Variants in ZNF248 observed in about 807,000 individuals in gnomAD.
ZNF248 encodes KRAB protein domain.
In ZNF248, 20 loss-of-function variants were observed where a neutral mutation model predicts 44.3. The observed-to-expected ratio is 0.45, with a 90% confidence interval of 0.32 to 0.66. The LOEUF is 0.66. Among genes scored for constraint, ZNF248 ranks in the 30% least tolerant of loss-of-function variants. The pLI, the probability that ZNF248 is intolerant of heterozygous loss-of-function variation, is 0.04. For missense variants in ZNF248, 654 were observed against 677.0 expected (o/e 0.97, Z 0.38); for synonymous variants, 224 against 229.0 (o/e 0.98, Z 0.20).
downstream of ZNF248, chr10:37,828,693 A>C: frequency 1.0e-6 from 1 of 985,410 alleles, no homozygotes; most frequent in Non-Finnish European, 1.2e-6. Context: ...AGCAATAGTC[A>C]TAACACATAT....
At chr10:37,843,012 A>G (rs1036484024) in intron 3 of ZNF248, among the ~76,000 whole-genome samples, 1 of 152,200 alleles carries the variant, frequency 6.6e-6, no homozygotes, top group Admixed American at 6.5e-5. Context: ...CGCAGAGTCA[A>G]TGTGCAAAGA....
chr10:37,806,514 A>G (rs1422537062), intron 6 of ZNF248, among the ~76,000 whole-genome samples: 1 of 151,452 alleles, frequency 6.6e-6, no homozygotes, highest in East Asian at 1.9e-4. Flanking sequence ...ATCTTTTCAT[A>G]TGCTTATGGG....
intron 6 of ZNF248, among the ~76,000 whole-genome samples, chr10:37,816,282 T>C (rs1385038819): frequency 6.6e-6 from 1 of 152,212 alleles, no homozygotes; most frequent in Non-Finnish European, 1.5e-5. Context: ...TACACCTCCG[T>C]GTCTGCACCT....
chr10:37,762,047 A>T, the ZNF248 span, among the ~76,000 whole-genome samples: 2 of 152,328 alleles, frequency 1.3e-5, no homozygotes, highest in South Asian at 2.1e-4. Flanking sequence ...ATGAAATTGT[A>T]TTGTCTCAAA....
At chr10:37,824,485 A>C (rs1260991366), downstream of ZNF248, among the ~76,000 whole-genome samples, 1 of 152,056 alleles carries the variant, frequency 6.6e-6, no homozygotes, top group African/African-American at 2.4e-5. Context: ...TATTTAATAA[A>C]TGGTGTTGGG....
chr10:37,791,175 G>C (rs2048509171), intron 6 of ZNF248, among the ~76,000 whole-genome samples: 1 of 144,970 alleles, frequency 6.9e-6, no homozygotes, highest in Admixed American at 7.3e-5. Context: ...CCAAGTAGCT[G>C]AGACTGCAGG....
chr10:37,768,190 C>A, the ZNF248 span, among the ~76,000 whole-genome samples: 18 of 152,258 alleles, frequency 1.2e-4, no homozygotes, highest in South Asian at 3.5e-3. Context: ...GACTTTAACA[C>A]CCCACTGACA....
intron 6 of ZNF248, among the ~76,000 whole-genome samples, chr10:37,805,509 A>G (rs545947918): frequency 6.6e-6 from 1 of 152,212 alleles, no homozygotes; most frequent in African/African-American, 2.4e-5. Flanking sequence ...AAACTGTACA[A>G]CTGTAACCCA....
chr10:37,820,328 G>C (rs2053254033), intron 6 of ZNF248: 2 of 1,393,630 alleles, frequency 1.4e-6, no homozygotes, highest in Non-Finnish European at 2.0e-6. Flanking sequence ...CAGAAGTGAA[G>C]CACAGGCCAG....
the ZNF248 span, among the ~76,000 whole-genome samples, chr10:37,766,126 G>A: frequency 6.6e-6 from 1 of 152,244 alleles, no homozygotes; most frequent in Non-Finnish European, 1.5e-5. Context: ...GAACTGGGTG[G>A]AGCCCACCAC....
chr10:37,817,973 TGGC>T (rs1199879254), intron 6 of ZNF248, among the ~76,000 whole-genome samples: 2 of 152,190 alleles, frequency 1.3e-5, no homozygotes, highest in African/African-American at 2.4e-5. Context: ...TGGAGTGCAG[TGGC>T]GTGATCTCGG....
intron 6 of ZNF248, chr10:37,794,752 C>G (rs1489476825): frequency 6.2e-6 from 1 of 161,260 alleles, no homozygotes. Flanking sequence ...TAAGGTTTCT[C>G]CCATGTGTGT....
chr10:37,774,814 T>C (rs939981645), downstream of ZNF248, among the ~76,000 whole-genome samples: 3 of 152,334 alleles, frequency 2.0e-5, no homozygotes, highest in East Asian at 1.9e-4. Context: ...AGTCTCATTC[T>C]GTCATGCAGA....
At chr10:37,768,349 A>G in the ZNF248 span, among the ~76,000 whole-genome samples, 2 of 152,222 alleles carry the variant, frequency 1.3e-5, no homozygotes, top group African/African-American at 4.8e-5. Context: ...CACCTATTCC[A>G]AAATTGACCA....
At chr10:37,802,727 T>C (rs961777115) in intron 6 of ZNF248, 1 of 152,202 alleles carries the variant, frequency 6.6e-6, no homozygotes, top group Non-Finnish European at 1.5e-5. Context: ...GGTGCTTTAG[T>C]TGTTTATTTT....
intron 6 of ZNF248, among the ~76,000 whole-genome samples, chr10:37,797,879 C>G (rs187987279): frequency 6.6e-6 from 1 of 152,204 alleles, no homozygotes; most frequent in African/African-American, 2.4e-5. Flanking sequence ...ATGGTGCTTC[C>G]TCTTTAATAA....
At chr10:37,848,690 A>G (rs1221530397) in intron 3 of ZNF248, among the ~76,000 whole-genome samples, 1 of 152,116 alleles carries the variant, frequency 6.6e-6, no homozygotes, top group Middle Eastern at 3.2e-3. Context: ...CAGAAGTCAG[A>G]GGCATGAAGT....
chr10:37,770,817 C>A, the ZNF248 span, among the ~76,000 whole-genome samples: 2 of 151,948 alleles, frequency 1.3e-5, no homozygotes, highest in Non-Finnish European at 1.5e-5. Flanking sequence ...AAAGAAACTA[C>A]CATCAGAGTG....
At chr10:37,800,574 G>T (rs2049685994) in intron 6 of ZNF248, among the ~76,000 whole-genome samples, 1 of 152,108 alleles carries the variant, frequency 6.6e-6, no homozygotes, top group Non-Finnish European at 1.5e-5. Context: ...GTGCTGCAAT[G>T]AACATATGTG....
Sources: allele counts gnomAD v4.1 joint callset (sites outside exome capture counted in the v4.1 genomes callset), GRCh38; gene constraint gnomAD v4.1.1; transcripts MANE v1.5; gene names NCBI Gene and HGNC (gene_info 2026-07-23, HGNC 2026-07-21).